CDC14B: variants seen among roughly 807,000 people sequenced by gnomAD.
CDC14B encodes cell division cycle 14B, also known as dual specificity protein phosphatase CDC14B.
CDC14B carries 22 observed loss-of-function variants against 64.2 expected under a neutral mutation model. The ratio of observed to expected loss-of-function variants is 0.34; its 90% CI spans 0.24 to 0.49. CDC14B has a LOEUF of 0.49. CDC14B is among the 20% of genes least tolerant of loss of function. The probability of loss-of-function intolerance (pLI) is 0.99; values close to 1 mark genes in which losing one functional copy is unlikely to be tolerated. For missense variants in CDC14B, 498 were observed against 629.9 expected, an observed-to-expected ratio of 0.79 and a Z score of 2.24; for synonymous variants, 191 against 215.8, an observed-to-expected ratio of 0.89 and a Z score of 1.01.
At chr9:96,547,544 C>T (rs1393229526) in intron 5 of CDC14B, among the ~76,000 whole-genome samples, 1 of 151,994 alleles carries the variant, frequency 6.6e-6, no homozygotes, top group African/African-American at 2.4e-5. Flanking sequence ...ACTGAAGCCT[C>T]CTAGGCTTGA....
At chr9:96,524,545 T>C (rs2131573636) in intron 9 of CDC14B, among the ~76,000 whole-genome samples, 1 of 152,332 alleles carries the variant, frequency 6.6e-6, no homozygotes, top group African/African-American at 2.4e-5. Context: ...TCTAGACTAT[T>C]ATCATTACCT....
intron 5 of CDC14B, among the ~76,000 whole-genome samples, chr9:96,551,111 C>CTTTTTTTTTGTTTTTTTTTTTTTTTTTTT (rs1841750083): frequency 1.1e-5 from 1 of 93,294 alleles, no homozygotes; most frequent in Non-Finnish European, 2.0e-5. Context: ...TTGGGGTTTG[C>CTTTTTTTTTGTTTTTTTTTTTTTTTTTTT]TTTTTTTTTT....
chr9:96,516,637 G>A (rs7861039), intron 12 of CDC14B, among the ~76,000 whole-genome samples: 3 of 151,818 alleles, frequency 2.0e-5, no homozygotes, highest in Admixed American at 6.6e-5. Flanking sequence ...ACATCACCAC[G>A]CCCGGCTAAG....
At chr9:96,500,111 T>C (rs1203776936), downstream of CDC14B, 1 of 152,672 alleles carries the variant, frequency 6.5e-6, no homozygotes, top group Non-Finnish European at 1.5e-5. Context: ...ACAAAAAGGC[T>C]GTTGGGTTAA....
At chr9:96,498,252 C>T (rs1036921730), downstream of CDC14B, among the ~76,000 whole-genome samples, 1 of 152,216 alleles carries the variant, frequency 6.6e-6, no homozygotes, top group Admixed American at 6.5e-5. Context: ...CCAGCTAAGG[C>T]ACAGCCACGT....
chr9:96,596,478 T>TA (rs1030049877), intron 1 of CDC14B, among the ~76,000 whole-genome samples: 4 of 151,658 alleles, frequency 2.6e-5, no homozygotes, highest in African/African-American at 9.7e-5. Context: ...TGGATAGGAC[T>TA]AATGGCAGAT....
chr9:96,614,447 T>C (rs1847504783), intron 1 of CDC14B, among the ~76,000 whole-genome samples: 1 of 152,094 alleles, frequency 6.6e-6, no homozygotes, highest in Non-Finnish European at 1.5e-5. Context: ...CCTCCCAAAG[T>C]GCTGAGATTA....
Position 96,617,452 on chromosome 9 carries a change from C to G in CDC14B, c.160+1767G>C, listed in dbSNP as rs112673526. On this transcript the variant is annotated intron_variant, in intron 1 of 13. Transcript: ENST00000375241. ...ATCTACATAAACATTTAAATCCATA[C>G]GTACTTGTTAATGGTTTTATTCATA... Among the ~76,000 whole-genome samples the G allele has an allele frequency of 7.3e-3, 1,111 of 152,118 alleles. 19 individuals carry two copies. Among genetic ancestry groups the G allele is most frequent in the African/African-American group, 0.026 (1,061 of 41,494 alleles).
chr9:96,605,441 T>C (rs924124958), intron 1 of CDC14B, among the ~76,000 whole-genome samples: 3 of 152,164 alleles, frequency 2.0e-5, no homozygotes, highest in Non-Finnish European at 4.4e-5. Context: ...TGAGGAAAAC[T>C]CTGCAGCGTG....
chr9:96,552,883 C>T (rs1180020834), intron 4 of CDC14B, among the ~76,000 whole-genome samples: 2 of 151,904 alleles, frequency 1.3e-5, no homozygotes, highest in African/African-American at 4.8e-5. Flanking sequence ...GGTTGAACTC[C>T]AAAGATTACT....
chr9:96,522,087 G>A (rs531978963), intron 12 of CDC14B, among the ~76,000 whole-genome samples: 2 of 152,256 alleles, frequency 1.3e-5, no homozygotes, highest in Admixed American at 1.3e-4. Flanking sequence ...CCAGTTCATT[G>A]TTGCCCCAAA....
intron 12 of CDC14B, among the ~76,000 whole-genome samples, chr9:96,522,058 A>G (rs962845867): frequency 6.6e-6 from 1 of 152,176 alleles, no homozygotes. Flanking sequence ...CAAACGAAAA[A>G]CCCAAAATAT....
rs1293010499 is a variant in CDC14B, at chr9:96,605,498, T to C, written c.160+13721A>G. On this transcript the variant is annotated intron_variant, in intron 1 of 13. Coordinates refer to ENST00000375241, the MANE Select transcript of CDC14B (RefSeq NM_033331.4). ...GTTCCCCTGCGGCCTCTAACTCCATTCCCACAGTAGTAACCTGCCTGATAA... is the reference window on the plus strand; with the variant it reads ...GTTCCCCTGCGGCCTCTAACTCCATCCCCACAGTAGTAACCTGCCTGATAA... Among the ~76,000 whole-genome samples, 4 of 152,154 alleles carry C rather than the reference T, an allele frequency of 2.6e-5. No individual in the cohort carries two copies. The East Asian group carries it at 7.7e-4, about 29-fold the overall frequency.
At chr9:96,495,135 G>C (rs535041141), downstream of CDC14B, among the ~76,000 whole-genome samples, 2 of 152,078 alleles carry the variant, frequency 1.3e-5, no homozygotes, top group East Asian at 2.0e-4. Context: ...CGCCTGGCCT[G>C]AACACTTTCT....
At chr9:96,566,121 G>C (rs1365351596) in intron 1 of CDC14B, among the ~76,000 whole-genome samples, 7 of 152,210 alleles carry the variant, frequency 4.6e-5, no homozygotes, top group Admixed American at 3.9e-4. Flanking sequence ...CATAAATGCA[G>C]TTAGGCTGCT....
downstream of CDC14B, among the ~76,000 whole-genome samples, chr9:96,497,877 G>C (rs1465228843): frequency 6.6e-6 from 1 of 152,106 alleles, no homozygotes; most frequent in Non-Finnish European, 1.5e-5. Context: ...GCAGCACTTA[G>C]GTTTGCAAAC....
chr9:96,522,653 A>G, intron 11 of CDC14B, 50 bp from the exon 12 acceptor site: 1 of 1,163,552 alleles, frequency 8.6e-7, no homozygotes, highest in South Asian at 1.2e-5. Context: ...GCACTTATTA[A>G]TGCAGTACAG....
chr9:96,573,961 C>T (rs938908769), intron 1 of CDC14B, among the ~76,000 whole-genome samples: 17 of 152,228 alleles, frequency 1.1e-4, no homozygotes, highest in Admixed American at 2.6e-4. Context: ...TCCTGGCTAA[C>T]GTGGTGAAAC....
chr9:96,531,118 T>C (rs768287410), intron 9 of CDC14B, among the ~76,000 whole-genome samples: 7 of 152,220 alleles, frequency 4.6e-5, no homozygotes, highest in Non-Finnish European at 8.8e-5. Context: ...AGTTATCTTA[T>C]AGTGTCTTTT....
Sources: allele counts gnomAD v4.1 joint callset (sites outside exome capture counted in the v4.1 genomes callset), GRCh38; gene constraint gnomAD v4.1.1; transcripts MANE v1.5; gene names NCBI Gene and HGNC (gene_info 2026-07-23, HGNC 2026-07-21).